The following RBFOX1 variants were observed in gnomAD, a reference collection of about 807,000 sequenced individuals.
RBFOX1 encodes RNA binding fox-1 homolog 1.
In RBFOX1, 8 loss-of-function variants were observed where a neutral mutation model predicts 57.7. That is an observed-to-expected ratio of 0.14 (90% CI 0.08 to 0.25). The LOEUF is 0.25. Among genes scored for constraint, RBFOX1 ranks in the 10% least tolerant of loss-of-function variants. The pLI is 1.00. For missense variants in RBFOX1, 611 were observed against 548.5 expected, an observed-to-expected ratio of 1.11 and a Z score of -1.14; for synonymous variants, 326 against 222.4, an observed-to-expected ratio of 1.47 and a Z score of -4.15.
chr16:5,899,679 A>C (rs1312828168), intron 4 of RBFOX1, among the ~76,000 whole-genome samples: 1 of 152,052 alleles, frequency 6.6e-6, no homozygotes, highest in East Asian at 1.9e-4. Context: ...AAAGCTGGAG[A>C]GTCTGGTTTA....
rs112259206 is a variant in RBFOX1 at position 5,455,020 on chromosome 16, T to C, written c.220-12196T>C. On this transcript the variant is annotated intron_variant, in intron 1 of 2. Coordinates refer to the RBFOX1 transcript ENST00000585867. Reference sequence around the variant, plus strand: ...CTTTCTTTCTTTCTTTCTTTCTTTCTTTCTCTCTCTCTGTCTGTCTCTCTT... The same window carrying C: ...CTTTCTTTCTTTCTTTCTTTCTTTCCTTCTCTCTCTCTGTCTGTCTCTCTT... Among the ~76,000 whole-genome samples, 1,154 of 115,710 alleles carry C rather than the reference T, an allele frequency of 1.0e-2. 10 individuals are homozygous for C. The highest frequency in any genetic ancestry group is 0.029 in the African/African-American group (888 of 30,982). 75.9% of individuals were successfully genotyped at this position (115,710 alleles called of 152,430 possible).
chr16:6,464,390 A>G (rs998919122), intron 2 of RBFOX1, among the ~76,000 whole-genome samples: 2 of 151,702 alleles, frequency 1.3e-5, no homozygotes, highest in East Asian at 1.9e-4. Flanking sequence ...AATATTTTCA[A>G]TTGGTTTGAA....
At chr16:5,310,296 G>A in intron 1 of RBFOX1, among the ~76,000 whole-genome samples, 1 of 152,130 alleles carries the variant, frequency 6.6e-6, no homozygotes, top group East Asian at 1.9e-4. Flanking sequence ...CAGATACTCA[G>A]GAGGCTGAGG....
intron 3 of RBFOX1, among the ~76,000 whole-genome samples, chr16:7,031,004 A>G (rs542075167): frequency 4.8e-4 from 73 of 152,332 alleles, no homozygotes; most frequent in African/African-American, 1.7e-3. Context: ...CTGCAGAAAG[A>G]GGACCTTTAT....
intron 3 of RBFOX1, among the ~76,000 whole-genome samples, chr16:5,841,964 G>A (rs1319523623): frequency 6.6e-6 from 1 of 152,170 alleles, no homozygotes; most frequent in Non-Finnish European, 1.5e-5. Flanking sequence ...GGGCTGGTGG[G>A]CTGCCATCCT....
intron 4 of RBFOX1, among the ~76,000 whole-genome samples, chr16:7,073,423 C>G (rs1469043450): frequency 6.6e-6 from 1 of 152,116 alleles, no homozygotes; most frequent in Admixed American, 6.5e-5. Flanking sequence ...CATGAGTTAG[C>G]CGAGCGCTGC....
intron 1 of RBFOX1, among the ~76,000 whole-genome samples, chr16:6,141,281 G>T (rs2096713884): frequency 6.6e-6 from 1 of 152,256 alleles, no homozygotes; most frequent in East Asian, 1.9e-4. Flanking sequence ...AACACTTTAT[G>T]AGATAAAAAT....
In RBFOX1 at chr16:7,059,099, T is replaced by A. The variant is rs138095219; in HGVS notation, c.27+7001T>A. Among the ~76,000 whole-genome samples, 154 of 152,348 alleles carry A rather than the reference T, an allele frequency of 1.0e-3. 1 individual carries two copies. The highest frequency in any genetic ancestry group is 3.6e-3 in the African/African-American group (149 of 41,584). On this transcript the variant is annotated intron_variant, in intron 4 of 15. Coordinates refer to ENST00000550418, the MANE Select transcript of RBFOX1 (RefSeq NM_018723.4). ...ATAATGAAAATTGCTAATGATCTTC[T>A]TGGCTTAAACCCATCGCCTTCATCT...
intron 3 of RBFOX1, among the ~76,000 whole-genome samples, chr16:6,658,494 A>G (rs775350818): frequency 6.6e-6 from 1 of 152,274 alleles, no homozygotes; most frequent in South Asian, 2.1e-4. Context: ...GGCATGAGCC[A>G]CCACACCCGG....
chr16:7,595,545 G>C lies in RBFOX1; in HGVS notation c.469-4G>C. The C allele has an allele frequency of 6.5e-7, 1 of 1,542,902 alleles. No homozygotes were observed. Among genetic ancestry groups the C allele is most frequent in the Non-Finnish European group, 8.8e-7 (1 of 1,139,306 alleles). On this transcript the variant is annotated splice_region_variant and splice_polypyrimidine_tract_variant and intron_variant, in intron 7 of 15. Transcript: ENST00000550418. ...TTGTTTTCCCTTCTCCCTCCTGCAT[G>C]CAGGGATTTGGTTTCGTAACTTTCG...
intron 4 of RBFOX1, among the ~76,000 whole-genome samples, chr16:7,145,984 C>A (rs556928854): frequency 6.6e-6 from 1 of 152,176 alleles, no homozygotes. Flanking sequence ...ACTAGTCACC[C>A]CATCTGTGTC....
chr16:7,512,101 T>C (rs975739972), intron 4 of RBFOX1, among the ~76,000 whole-genome samples: 3 of 152,144 alleles, frequency 2.0e-5, no homozygotes, highest in African/African-American at 4.8e-5. Flanking sequence ...ATTCCACTTA[T>C]TTAGGGAAAG....
chr16:6,713,039 C>T (rs945418335), intron 3 of RBFOX1, among the ~76,000 whole-genome samples: 1 of 151,968 alleles, frequency 6.6e-6, no homozygotes, highest in African/African-American at 2.4e-5. Context: ...TGCTTTCCAC[C>T]ATGATTGTGA....
chr16:5,715,679 A>T (rs559975741), intron 3 of RBFOX1, among the ~76,000 whole-genome samples: 1 of 152,354 alleles, frequency 6.6e-6, no homozygotes, highest in Admixed American at 6.5e-5. Context: ...TGCCTTCTCC[A>T]TGATGAGTTT....
intron 1 of RBFOX1, among the ~76,000 whole-genome samples, chr16:5,436,908 T>A (rs937236779): frequency 2.0e-5 from 3 of 152,164 alleles, no homozygotes; most frequent in African/African-American, 7.2e-5. Context: ...CCAAGCCATG[T>A]CAATATGTCA....
chr16:5,946,010 T>C lies in RBFOX1; in HGVS notation c.351+78675T>C, dbSNP rs904528479. On this transcript the variant is annotated intron_variant, in intron 4 of 19. Coordinates refer to the RBFOX1 transcript ENST00000641259. This position sits in a 1 kb window ranked among gnomAD's most constrained non-coding sequence, Gnocchi z 4.6. Reference sequence around the variant, plus strand: ...TGGAACATCCACACCGGCGTCCACATTGGGTTTAAAAAGAGAAAAGAAGTC... The same window carrying C: ...TGGAACATCCACACCGGCGTCCACACTGGGTTTAAAAAGAGAAAAGAAGTC... Among the ~76,000 whole-genome samples, 2 of 152,148 alleles carry C rather than the reference T, an allele frequency of 1.3e-5. No individual in the cohort carries two copies. Among genetic ancestry groups the C allele is most frequent in the South Asian group, 4.1e-4 (2 of 4,830 alleles).
chr16:6,350,754 G>A (rs2086221220), intron 2 of RBFOX1, among the ~76,000 whole-genome samples: 2 of 152,130 alleles, frequency 1.3e-5, no homozygotes, highest in East Asian at 3.9e-4. Context: ...GGAGGTAGGT[G>A]GCATTAATTC....
intron 3 of RBFOX1, among the ~76,000 whole-genome samples, chr16:6,669,606 A>G (rs957468295): frequency 2.0e-5 from 3 of 152,064 alleles, no homozygotes; most frequent in Non-Finnish European, 2.9e-5. Flanking sequence ...TAACACATCT[A>G]TCACCTCATA....
At chr16:6,800,512 G>T (rs1603626352) in intron 3 of RBFOX1, among the ~76,000 whole-genome samples, 1 of 152,010 alleles carries the variant, frequency 6.6e-6, no homozygotes, top group South Asian at 2.1e-4. Context: ...AGGCTTCCAG[G>T]TGATTCAAAA....
Sources: gnomAD v4.1 joint callset for allele counts (sites outside exome capture counted in the v4.1 genomes callset) on GRCh38, gnomAD v4.1.1 for gene constraint, Gnocchi (gnomAD v3.1) non-coding constraint, MANE v1.5 for transcripts, NCBI Gene and HGNC (gene_info 2026-07-23, HGNC 2026-07-21) for gene names.